Variants in PRSS41 observed in about 807,000 individuals in gnomAD.
PRSS41 encodes protease, serine 41.
A neutral mutation model predicts 28.8 loss-of-function variants in PRSS41; 37 were observed. The ratio of observed to expected loss-of-function variants is 1.29; its 90% confidence interval spans 0.99 to 1.69. The LOEUF is 1.69. Among genes scored for constraint, PRSS41 ranks in the 40% most tolerant of loss-of-function variants. The pLI is 0.00. For synonymous variants in PRSS41, 195 were observed against 163.1 expected, an observed-to-expected ratio of 1.20 and a Z score of -1.49; for missense variants, 431 against 400.7, an observed-to-expected ratio of 1.08 and a Z score of -0.65.
intron 4 of PRSS41, among the ~76,000 whole-genome samples, chr16:2,802,105 G>A (rs1231758489): frequency 6.6e-6 from 1 of 151,068 alleles, no homozygotes; most frequent in African/African-American, 2.4e-5. Context: ...GCCGGGCGGA[G>A]AGGCTCCTCA....
At chr16:2,799,489 G>A in exon 4 of PRSS41, 1 of 1,552,110 alleles carries the variant, frequency 6.4e-7, no homozygotes, top group Non-Finnish European at 8.7e-7. Context: ...CAGCCCATTT[G>A]CATCGAGTCT....
intron 4 of PRSS41, among the ~76,000 whole-genome samples, chr16:2,802,665 C>T (rs1175253602): frequency 3.3e-5 from 5 of 152,232 alleles, no homozygotes; most frequent in Non-Finnish European, 5.9e-5. Context: ...GGATCACTCG[C>T]GGTTAGGGGC....
chr16:2,798,819 G>T, intron 2 of PRSS41, 140 bp from the exon 3 acceptor site: 3 of 1,194,374 alleles, frequency 2.5e-6, no homozygotes, highest in East Asian at 2.9e-5. Context: ...CCACGTGGGA[G>T]GGTCCCTAGC....
intron 4 of PRSS41, among the ~76,000 whole-genome samples, chr16:2,801,565 G>A (rs1596309595): frequency 1.3e-5 from 2 of 151,426 alleles, no homozygotes; most frequent in East Asian, 3.9e-4. Context: ...CTGCCTTCAA[G>A]CATCTGTTTA....
intron 4 of PRSS41, among the ~76,000 whole-genome samples, chr16:2,801,844 T>C (rs1428508776): frequency 6.6e-6 from 1 of 152,242 alleles, no homozygotes; most frequent in African/African-American, 2.4e-5. Context: ...CTGTTCTCAA[T>C]GAGCTGTTGG....
At position 2,804,349 on chromosome 16, in the gene PRSS41, G is replaced by A. The variant is rs11859835; in HGVS notation, c.542-40G>A. ...CCTCTCCCTGCTCCAGATAGCAGAG[G>A]AGAGGTGAAGGGTGCTGTCCTTTTC... On this transcript the variant is annotated intron_variant, in intron 4 of 5. Coordinates refer to ENST00000399677, the Ensembl canonical transcript of PRSS41. 7.7e-4 allele frequency: 1,195 copies of A among 1,547,032 alleles called. 10 individuals carry two copies. The African/African-American group carries it at 0.015, about 19-fold the overall frequency.
At chr16:2,805,265 C>T (rs2069014561) in exon 6 of PRSS41, 5 of 677,292 alleles carry the variant, frequency 7.4e-6, no homozygotes, top group South Asian at 5.7e-5. Flanking sequence ...ATTCCGGCCC[C>T]TTTTGTCTCG....
intron 4 of PRSS41, among the ~76,000 whole-genome samples, chr16:2,800,366 C>A (rs1826936598): frequency 6.6e-6 from 1 of 151,958 alleles, no homozygotes; most frequent in Non-Finnish European, 1.5e-5. Flanking sequence ...TATGGTGAAA[C>A]CCCGTCTCTA....
At chr16:2,798,925 C>G (rs945622156) in intron 2 of PRSS41, 34 bp from the exon 3 acceptor site, 2 of 1,514,996 alleles carry the variant, frequency 1.3e-6, no homozygotes, top group Non-Finnish European at 8.8e-7. Context: ...CCACCCCACC[C>G]GGCAGCTCAG....
At chr16:2,802,109 C>A (rs931457882) in intron 4 of PRSS41, among the ~76,000 whole-genome samples, 5 of 151,132 alleles carry the variant, frequency 3.3e-5, no homozygotes, top group African/African-American at 1.2e-4. Flanking sequence ...GGCGGAGAGG[C>A]TCCTCACTTC....
intron 4 of PRSS41, among the ~76,000 whole-genome samples, chr16:2,801,207 C>T (rs1047673809): frequency 2.0e-5 from 3 of 152,160 alleles, no homozygotes; most frequent in African/African-American, 4.8e-5. Context: ...CTATTTCTCC[C>T]ACCAATTCTG....
At chr16:2,804,406 T>A (rs1168116815) in exon 5 of PRSS41, 13 of 1,551,498 alleles carry the variant, frequency 8.4e-6, no homozygotes, top group African/African-American at 1.4e-5. Flanking sequence ...GCCACCTCCT[T>A]ACAACCTCCG....
At chr16:2,801,919 G>A (rs1322489745) in intron 4 of PRSS41, among the ~76,000 whole-genome samples, 4 of 151,438 alleles carry the variant, frequency 2.6e-5, no homozygotes, top group East Asian at 2.0e-4. Flanking sequence ...AGGGGCGGCC[G>A]GGCAGAGGCG....
intron 4 of PRSS41, among the ~76,000 whole-genome samples, chr16:2,803,295 A>G (rs936425753): frequency 6.6e-6 from 1 of 151,930 alleles, no homozygotes; most frequent in African/African-American, 2.4e-5. Context: ...TTAGAGTACC[A>G]TATTGATTCC....
In PRSS41 at chr16:2,799,352, C is replaced by T. The variant is rs776035280; in HGVS notation, c.324C>T (p.Asn108=). The change falls in exon 4 of 6, where the codon AAC becomes AAT. Residue 108 remains asparagine, a synonymous_variant. Coordinates refer to ENST00000399677, the Ensembl canonical transcript of PRSS41. ...TGACTTCCAGGCCAACTCCTTGGAA[C>T]CTGCGGGCCTACAGCAGTCGTTACA... The T allele has an allele frequency of 5.5e-5, 85 of 1,551,698 alleles. 1 individual carries two copies. The South Asian group carries it at 9.4e-4, about 17-fold the overall frequency.
chr16:2,802,021 G>A (rs2150799365), intron 4 of PRSS41, among the ~76,000 whole-genome samples: 1 of 145,556 alleles, frequency 6.9e-6, no homozygotes, highest in South Asian at 2.1e-4. Flanking sequence ...GCGTGGGGCT[G>A]ACCCCCCCCA....
At chr16:2,800,106 G>C (rs1018400519) in intron 4 of PRSS41, among the ~76,000 whole-genome samples, 3 of 152,228 alleles carry the variant, frequency 2.0e-5, no homozygotes, top group Non-Finnish European at 4.4e-5. Context: ...CACCCAGACT[G>C]TGTGGTCTAG....
chr16:2,803,672 C>T (rs997160097), intron 4 of PRSS41, among the ~76,000 whole-genome samples: 1 of 152,206 alleles, frequency 6.6e-6, no homozygotes. Flanking sequence ...TTGAGTTACT[C>T]TCTAGTGTTC....
exon 5 of PRSS41, chr16:2,804,513 T>C (rs1214663326): frequency 1.3e-6 from 2 of 1,551,318 alleles, no homozygotes; most frequent in South Asian, 2.4e-5. Context: ...TGTTTTGTGC[T>C]GGTGCTGAGG....
Sources: gnomAD v4.1 joint callset for allele counts (sites outside exome capture counted in the v4.1 genomes callset) on GRCh38, gnomAD v4.1.1 for gene constraint, MANE v1.5 for transcripts, NCBI Gene and HGNC (gene_info 2026-07-23, HGNC 2026-07-21) for gene names.